Variants in NPR3 observed in about 807,000 individuals in gnomAD.
The protein encoded by NPR3 is natriuretic peptide receptor 3, also known as atrial natriuretic peptide receptor 3.
In NPR3, 34 loss-of-function variants were observed where a neutral mutation model predicts 54.5. The ratio of observed to expected loss-of-function variants is 0.62; its 90% CI spans 0.47 to 0.83. NPR3 has a LOEUF of 0.83. Among genes scored for constraint, NPR3 ranks in the 40% least tolerant of loss-of-function variants. NPR3 has a pLI of 0.00. For synonymous variants in NPR3, 289 were observed against 297.1 expected (o/e 0.97, Z 0.28); for missense variants, 674 against 720.8 (o/e 0.94, Z 0.74).
intron 3 of NPR3, among the ~76,000 whole-genome samples, chr5:32,747,931 T>C (rs991399845): frequency 6.6e-6 from 1 of 152,020 alleles, no homozygotes; most frequent in African/African-American, 2.4e-5. Context: ...TTTTCGTATT[T>C]TTAGTAGAGA....
Position 32,739,012 on chromosome 5 carries a change from G to A in NPR3, c.1041G>A (p.Gly347=). 6.2e-7 allele frequency: 1 copy of A among 1,613,874 alleles called. No homozygotes were observed. The highest frequency in any genetic ancestry group is 8.5e-7 in the Non-Finnish European group (1 of 1,179,846). The change falls in exon 3 of 8, where the codon GGG becomes GGA. Residue 347 remains glycine, a synonymous_variant. Transcript: ENST00000265074. ...TGAAAAGTTCAGTTGAGAAACAAGGGCTCAATATGGAGGATTACGTAAGTG... is the reference window on the plus strand; with the variant it reads ...TGAAAAGTTCAGTTGAGAAACAAGGACTCAATATGGAGGATTACGTAAGTG... ...MEVKSSVEKQ[G]LNMEDYVNMF...
intron 3 of NPR3, among the ~76,000 whole-genome samples, chr5:32,750,905 G>A (rs1273546149): frequency 2.6e-5 from 4 of 152,126 alleles, no homozygotes; most frequent in African/African-American, 9.7e-5. Context: ...GCTTTGCCAG[G>A]TAACAACAAA....
At chr5:32,704,368 C>G (rs1160750648) in intron 1 of NPR3, among the ~76,000 whole-genome samples, 1 of 110,068 alleles carries the variant, frequency 9.1e-6, no homozygotes, top group African/African-American at 3.4e-5. Flanking sequence ...TCTTTTGGCT[C>G]TTTGTGTGTG....
chr5:32,729,399 T>A (rs1473100986), intron 2 of NPR3, among the ~76,000 whole-genome samples: 2 of 152,192 alleles, frequency 1.3e-5, no homozygotes, highest in African/African-American at 4.8e-5. Context: ...TGTTGTTATG[T>A]TGATGCTCAA....
Position 32,729,032 on chromosome 5 carries a change from T to TG in NPR3, c.892+4212_892+4213insG, listed in dbSNP as rs1449041992. Reference sequence around the variant, plus strand: ...CCTGTGTGTTTTTTTTTTTTTTTGTTTTGTTTTTTTTTTTTGAGACGGAGT... The same window carrying TG: ...CCTGTGTGTTTTTTTTTTTTTTTGTTGTTGTTTTTTTTTTTTGAGACGGAGT... On this transcript the variant is annotated intron_variant, in intron 2 of 7. Coordinates refer to ENST00000265074, the MANE Select transcript of NPR3 (RefSeq NM_001204375.2). Among the ~76,000 whole-genome samples the TG allele has an allele frequency of 9.8e-3, 937 of 95,174 alleles. 40 individuals carry two copies. The highest frequency in any genetic ancestry group is 0.025 in the African/African-American group (536 of 21,322). 62.4% of individuals were successfully genotyped at this position (95,174 alleles called of 152,430 possible).
intron 3 of NPR3, among the ~76,000 whole-genome samples, chr5:32,764,970 G>A (rs1741376396): frequency 6.6e-6 from 1 of 151,910 alleles, no homozygotes; most frequent in Admixed American, 6.6e-5. Context: ...CCAAATGCAG[G>A]GAATTAAGTT....
Position 32,726,185 on chromosome 5 carries a change from TGA to T in NPR3, c.892+1366_892+1367del, listed in dbSNP as rs1561087727. ...CTGAGCTTCACTTCCCAGTTCTTGC[TGA>T]TGAGATATAGTTGGACAGGATCTAA... On this transcript the variant is annotated intron_variant, in intron 2 of 7. Coordinates refer to ENST00000265074, the MANE Select transcript of NPR3 (RefSeq NM_001204375.2). Among the ~76,000 whole-genome samples the T allele has an allele frequency of 2.6e-5, 4 of 152,334 alleles. No individual in the cohort carries two copies. In the South Asian group the frequency reaches 8.3e-4, roughly 32 times the overall value.
At chr5:32,697,347 A>G (rs932102923) in intron 1 of NPR3, among the ~76,000 whole-genome samples, 1 of 152,104 alleles carries the variant, frequency 6.6e-6, no homozygotes. Context: ...GTCACAATAA[A>G]TGATCCTTTT....
In NPR3 at chr5:32,697,635, T is replaced by C. The variant is rs1740563847; in HGVS notation, c.100+8449T>C. Among the ~76,000 whole-genome samples the C allele has an allele frequency of 3.3e-5, 5 of 152,224 alleles. No individual in the cohort carries two copies. In the South Asian group the frequency reaches 8.3e-4, roughly 25 times the overall value. On this transcript the variant is annotated intron_variant, in intron 1 of 5. Transcript: ENST00000509104. ...CATTTGGTTCTGGGCTTTTCTCTGC[T>C]GAGAGACTTTTTATTATGGCTTCAA...
upstream of NPR3, chr5:32,710,453 T>C: frequency 2.3e-6 from 1 of 426,866 alleles, no homozygotes; most frequent in Non-Finnish European, 3.9e-6. Context: ...CCTCCAGAAG[T>C]TGAACCATTC....
intron 1 of NPR3, among the ~76,000 whole-genome samples, chr5:32,722,574 C>T (rs1339564839): frequency 2.0e-5 from 3 of 152,148 alleles, no homozygotes; most frequent in Admixed American, 2.0e-4. Flanking sequence ...GAGAGCCAGA[C>T]CCTGGACTAT....
chr5:32,785,625 C>G (rs969302433), intron 7 of NPR3, among the ~76,000 whole-genome samples: 3 of 152,214 alleles, frequency 2.0e-5, no homozygotes, highest in Admixed American at 2.0e-4. Flanking sequence ...AGCCCATGCT[C>G]TCAGGCTGAT....
At chr5:32,750,812 C>T (rs952939939) in intron 3 of NPR3, among the ~76,000 whole-genome samples, 2 of 152,128 alleles carry the variant, frequency 1.3e-5, no homozygotes, top group African/African-American at 4.8e-5. Flanking sequence ...ATTCTTTTAC[C>T]CTTGTGGACA....
In NPR3 at chr5:32,790,352, C is replaced by T. The variant is rs1579724185; in HGVS notation, c.*4007C>T. The T allele has an allele frequency of 5.9e-6, 1 of 168,106 alleles. No individual in the cohort carries two copies. Among genetic ancestry groups the T allele is most frequent in the East Asian group, 1.9e-4 (1 of 5,202 alleles). 10.4% of individuals were successfully genotyped at this position (168,106 alleles called of 1,614,324 possible). A position where few individuals can be genotyped will look rare whatever the true frequency, so the allele number is the denominator to read the frequency against. ...ACTGTCTTTACTGCCCCTTCTGCCC[C>T]TCCACCCACATCCACATTCAGCATC... is the stretch of plus-strand genomic sequence containing the variant. On this transcript the variant is annotated 3_prime_UTR_variant, in exon 8 of 8. Coordinates refer to ENST00000265074, the MANE Select transcript of NPR3 (RefSeq NM_001204375.2).
chr5:32,732,695 T>C (rs1389917126), intron 2 of NPR3, among the ~76,000 whole-genome samples: 1 of 152,192 alleles, frequency 6.6e-6, no homozygotes, highest in Non-Finnish European at 1.5e-5. Context: ...AGGGCCTTGT[T>C]TGAAACTTTG....
chr5:32,787,526 T>G lies in NPR3; in HGVS notation c.*1181T>G, dbSNP rs562435710. 26 of 152,306 alleles carry G rather than the reference T, an allele frequency of 1.7e-4. No individual in the cohort carries two copies. The South Asian group carries it at 4.8e-3, about 28-fold the overall frequency. 9.4% of individuals were successfully genotyped at this position (152,306 alleles called of 1,614,324 possible). A position where few individuals can be genotyped will look rare whatever the true frequency, so the allele number is the denominator to read the frequency against. On this transcript the variant is annotated 3_prime_UTR_variant, in exon 8 of 8. Coordinates refer to ENST00000265074, the MANE Select transcript of NPR3 (RefSeq NM_001204375.2). ...GACAGCAAGCACAGAAATGACAAAT[T>G]TAAAACTTTTACACATGGCATTTAC... is the stretch of plus-strand genomic sequence containing the variant.
At chr5:32,732,303 G>C (rs1352493227) in intron 2 of NPR3, among the ~76,000 whole-genome samples, 1 of 150,628 alleles carries the variant, frequency 6.6e-6, no homozygotes, top group African/African-American at 2.4e-5. Context: ...CAAAGATGGT[G>C]GCTAGAGCTC....
intron 3 of NPR3, among the ~76,000 whole-genome samples, chr5:32,759,535 T>C (rs1488556903): frequency 6.6e-6 from 1 of 152,200 alleles, no homozygotes; most frequent in Non-Finnish European, 1.5e-5. Context: ...TACAGCACAC[T>C]GATGGGTCTT....
intron 1 of NPR3, among the ~76,000 whole-genome samples, chr5:32,716,996 A>AAACCCCCCCCCCCC (rs1561079842): frequency 1.8e-4 from 20 of 109,688 alleles, no homozygotes; most frequent in Non-Finnish European, 2.7e-4. Context: ...CCATCCCCCA[A>AAACCCCCCCCCCCC]CCCCCCCACC....
Sources: gnomAD v4.1 joint callset for allele counts (sites outside exome capture counted in the v4.1 genomes callset) on GRCh38, gnomAD v4.1.1 for gene constraint, MANE v1.5 for transcripts, NCBI Gene and HGNC (gene_info 2026-07-23, HGNC 2026-07-21) for gene names.